Variants in EPHA6 observed in about 807,000 individuals in gnomAD.
EPHA6 encodes the protein EPH receptor A6, also known as ephrin type-A receptor 6.
A neutral mutation model predicts 112.0 loss-of-function variants in EPHA6; 50 were observed. The ratio of observed to expected loss-of-function variants is 0.45; its 90% CI spans 0.36 to 0.56. The LOEUF (loss-of-function observed/expected upper bound fraction) is 0.56, where lower values mean the gene tolerates loss of function less well. Among genes scored for constraint, EPHA6 ranks in the 20% least tolerant of loss-of-function variants. The pLI, the probability that EPHA6 is intolerant of heterozygous loss-of-function variation, is 0.00. For missense variants in EPHA6, 1,280 were observed against 1,417.4 expected (o/e 0.90, Z 1.56); for synonymous variants, 529 against 490.7 (o/e 1.08, Z -1.03).
At chr3:97,142,491 A>G (rs1412001455) in intron 3 of EPHA6, among the ~76,000 whole-genome samples, 1 of 151,954 alleles carries the variant, frequency 6.6e-6, no homozygotes, top group Non-Finnish European at 1.5e-5. Flanking sequence ...GATAAAAGTG[A>G]CATTACACAG....
rs2035936458 is a variant in EPHA6 at position 97,752,952 on chromosome 3, T to C, written c.*4251T>C. Among the ~76,000 whole-genome samples the C allele has an allele frequency of 6.6e-6, 1 of 152,114 alleles. No individual in the cohort carries two copies. Among genetic ancestry groups the C allele is most frequent in the African/African-American group, 2.4e-5 (1 of 41,434 alleles). On this transcript the variant is annotated 3_prime_UTR_variant, in exon 18 of 18. Transcript: ENST00000389672. ...AATTCTGTGAAGTAGAAGAGACTCATATTACTTTACATTCAATCAACAAAT... is the reference window on the plus strand; with the variant it reads ...AATTCTGTGAAGTAGAAGAGACTCACATTACTTTACATTCAATCAACAAAT...
At chr3:97,693,179 TAAG>T (rs1200922433) in intron 14 of EPHA6, among the ~76,000 whole-genome samples, 5 of 152,080 alleles carry the variant, frequency 3.3e-5, no homozygotes, top group Non-Finnish European at 7.4e-5. Context: ...GCAAAGAACA[TAAG>T]GAGATGCAGA....
At chr3:97,064,437 A>G (rs1409447620) in intron 3 of EPHA6, among the ~76,000 whole-genome samples, 1 of 152,198 alleles carries the variant, frequency 6.6e-6, no homozygotes, top group Non-Finnish European at 1.5e-5. Context: ...ACTTCAATTC[A>G]TAATAACATA....
chr3:97,535,864 G>T (rs1037992155), intron 11 of EPHA6, among the ~76,000 whole-genome samples: 1 of 151,858 alleles, frequency 6.6e-6, no homozygotes, highest in Non-Finnish European at 1.5e-5. Flanking sequence ...ATCTCATATA[G>T]GATTTATCTC....
At chr3:97,498,096 C>A in intron 10 of EPHA6, among the ~76,000 whole-genome samples, 1 of 152,030 alleles carries the variant, frequency 6.6e-6, no homozygotes, top group South Asian at 2.1e-4. Context: ...TGTTTTCAAG[C>A]CAAGAATGAA....
intron 3 of EPHA6, among the ~76,000 whole-genome samples, chr3:97,129,429 G>A (rs1397251523): frequency 6.6e-6 from 1 of 151,840 alleles, no homozygotes; most frequent in African/African-American, 2.4e-5. Flanking sequence ...GTGAACCCAG[G>A]AGGCAGAGCT....
chr3:96,996,085 C>G (rs1438286599), intron 3 of EPHA6, among the ~76,000 whole-genome samples: 2 of 152,114 alleles, frequency 1.3e-5, no homozygotes, highest in East Asian at 3.8e-4. Context: ...ATTTTGCTGT[C>G]ATTTCAGCAA....
At chr3:97,152,937 A>G (rs1465853233) in intron 3 of EPHA6, among the ~76,000 whole-genome samples, 1 of 152,072 alleles carries the variant, frequency 6.6e-6, no homozygotes, top group African/African-American at 2.4e-5. Flanking sequence ...TCATGCTATC[A>G]TGATGCTTTC....
intron 3 of EPHA6, among the ~76,000 whole-genome samples, chr3:97,057,343 A>G (rs2045883269): frequency 6.6e-6 from 1 of 152,216 alleles, no homozygotes; most frequent in South Asian, 2.1e-4. Flanking sequence ...AGGCTTACTC[A>G]TGTAGCTGCA....
At chr3:97,194,597 G>A (rs2077392465) in intron 3 of EPHA6, among the ~76,000 whole-genome samples, 1 of 150,726 alleles carries the variant, frequency 6.6e-6, no homozygotes, top group African/African-American at 2.5e-5. Context: ...ATTCAGCAGT[G>A]TAGATTGAGT....
intron 3 of EPHA6, among the ~76,000 whole-genome samples, chr3:97,040,942 T>C (rs1461068222): frequency 2.0e-5 from 3 of 152,132 alleles, no homozygotes; most frequent in African/African-American, 7.2e-5. Context: ...TCAAAAATTA[T>C]AGGAATCTTT....
intron 11 of EPHA6, among the ~76,000 whole-genome samples, chr3:97,573,477 G>T (rs547177381): frequency 2.0e-5 from 3 of 152,024 alleles, no homozygotes; most frequent in Admixed American, 2.0e-4. Context: ...TTTACATCTG[G>T]TATACAATGA....
chr3:97,333,086 C>A (rs1471167622), intron 5 of EPHA6, among the ~76,000 whole-genome samples: 2 of 151,978 alleles, frequency 1.3e-5, no homozygotes, highest in African/African-American at 4.8e-5. Context: ...TTCCTAGTTA[C>A]CTGTTTATGA....
At chr3:97,284,826 C>T (rs746032844) in intron 5 of EPHA6, among the ~76,000 whole-genome samples, 1 of 151,990 alleles carries the variant, frequency 6.6e-6, no homozygotes, top group East Asian at 1.9e-4. Flanking sequence ...ATTTGTACAC[C>T]AGTGCAATAA....
chr3:97,728,436 T>G (rs2034881315), intron 15 of EPHA6, among the ~76,000 whole-genome samples: 1 of 152,090 alleles, frequency 6.6e-6, no homozygotes, highest in South Asian at 2.1e-4. Context: ...GTGCCCCAAA[T>G]CTTCCTAGCT....
At chr3:97,707,791 TAGTG>T (rs1330469564) in intron 14 of EPHA6, among the ~76,000 whole-genome samples, 2 of 152,168 alleles carry the variant, frequency 1.3e-5, no homozygotes, top group Admixed American at 6.5e-5. Flanking sequence ...GTTCTCATGA[TAGTG>T]AGTGAGTTCT....
chr3:97,292,202 C>T (rs2080710185), intron 5 of EPHA6, among the ~76,000 whole-genome samples: 1 of 152,226 alleles, frequency 6.6e-6, no homozygotes, highest in South Asian at 2.1e-4. Context: ...TCGGAGATGC[C>T]AGGAACCGCA....
chr3:97,242,746 G>A (rs1337626293), intron 4 of EPHA6, among the ~76,000 whole-genome samples: 2 of 151,764 alleles, frequency 1.3e-5, no homozygotes, highest in Admixed American at 6.6e-5. Flanking sequence ...ATGCTAGGGA[G>A]ACATTGCTTT....
chr3:97,408,552 A>T (rs2087512013), intron 6 of EPHA6, among the ~76,000 whole-genome samples: 1 of 152,056 alleles, frequency 6.6e-6, no homozygotes, highest in Non-Finnish European at 1.5e-5. Flanking sequence ...TATGTGGCTT[A>T]TAAACAATAG....
Sources: gnomAD v4.1 joint callset for allele counts (sites outside exome capture counted in the v4.1 genomes callset) on GRCh38, gnomAD v4.1.1 for gene constraint, MANE v1.5 for transcripts, NCBI Gene and HGNC (gene_info 2026-07-23, HGNC 2026-07-21) for gene names.